Variants in COL6A6 observed in about 807,000 individuals in gnomAD.
COL6A6 encodes collagen type VI alpha 6 chain.
In COL6A6, 183 loss-of-function variants were observed where a neutral mutation model predicts 208.6. The observed-to-expected ratio is 0.88, with a 90% CI of 0.78 to 0.99. COL6A6 has a LOEUF of 0.99. Among genes scored for constraint, COL6A6 ranks in the 50% least tolerant of loss-of-function variants. The probability of loss-of-function intolerance (pLI) is 0.00; values close to 1 mark genes in which losing one functional copy is unlikely to be tolerated. For missense variants in COL6A6, 2,816 were observed against 2,815.2 expected (o/e 1.00, Z -0.01); for synonymous variants, 973 against 1,011.8 (o/e 0.96, Z 0.73).
intron 24 of COL6A6, among the ~76,000 whole-genome samples, chr3:130,623,918 A>G (rs1189718718): frequency 6.6e-6 from 1 of 152,184 alleles, no homozygotes; most frequent in African/African-American, 2.4e-5. Context: ...GGAGGTGAAG[A>G]GTACCAACTG....
At chr3:130,525,389 T>C (rs2061938632) in intron 1 of COL6A6, among the ~76,000 whole-genome samples, 1 of 152,184 alleles carries the variant, frequency 6.6e-6, no homozygotes, top group Non-Finnish European at 1.5e-5. Context: ...AAACTCAAAA[T>C]GGCGATGTTT....
intron 7 of COL6A6, among the ~76,000 whole-genome samples, chr3:130,571,771 C>T (rs1287102326): frequency 6.6e-6 from 1 of 151,364 alleles, no homozygotes; most frequent in African/African-American, 2.4e-5. Context: ...ACTTCCAGGA[C>T]TCAGGTGATC....
chr3:130,596,810 AATG>A (rs1420525892), intron 18 of COL6A6, among the ~76,000 whole-genome samples: 2 of 152,214 alleles, frequency 1.3e-5, no homozygotes, highest in African/African-American at 2.4e-5. Context: ...AAAGTATAAT[AATG>A]ATAAAATTTT....
intron 28 of COL6A6, among the ~76,000 whole-genome samples, chr3:130,637,587 A>G (rs1244935127): frequency 6.6e-6 from 1 of 152,188 alleles, no homozygotes; most frequent in East Asian, 1.9e-4. Context: ...TAGACATTGA[A>G]AATATCCAGG....
intron 1 of COL6A6, among the ~76,000 whole-genome samples, chr3:130,532,554 A>T (rs184444282): frequency 6.4e-4 from 97 of 152,254 alleles, no homozygotes; most frequent in African/African-American, 2.2e-3. Flanking sequence ...GACAGCAGTG[A>T]CTCACTAAGT....
At position 130,644,912 on chromosome 3, in the gene COL6A6, AACCTT is replaced by A. The variant is rs1169546356; in HGVS notation, c.5228-78_5228-74del. On this transcript the variant is annotated intron_variant, in intron 31 of 36. Coordinates refer to ENST00000358511, the MANE Select transcript of COL6A6 (RefSeq NM_001102608.3). The stretch of plus-strand genomic sequence containing the variant: ...CATCTACAAAAAGCAGACAGGATAG[AACCTT>A]TCTTTCCTGCACGATACAGAACTCT... 7 of 1,341,600 alleles carry A rather than the reference AACCTT, an allele frequency of 5.2e-6. No individual in the cohort carries two copies. The East Asian group carries it at 1.4e-4, about 26-fold the overall frequency. 83.1% of individuals were successfully genotyped at this position (1,341,600 alleles called of 1,614,324 possible). A position where few individuals can be genotyped will look rare whatever the true frequency, so the allele number is the denominator to read the frequency against.
chr3:130,606,409 C>T (rs1481044899), intron 20 of COL6A6, among the ~76,000 whole-genome samples: 2 of 152,072 alleles, frequency 1.3e-5, no homozygotes, highest in Non-Finnish European at 2.9e-5. Context: ...CTCAGGTAAG[C>T]ATATTATTTG....
chr3:130,615,325 T>G (rs1007711050), intron 23 of COL6A6, among the ~76,000 whole-genome samples: 9 of 152,210 alleles, frequency 5.9e-5, no homozygotes, highest in African/African-American at 2.2e-4. Flanking sequence ...TTTGTTTTTT[T>G]TCTAATTTGC....
intron 28 of COL6A6, among the ~76,000 whole-genome samples, chr3:130,637,490 T>G (rs969299787): frequency 6.6e-6 from 1 of 152,126 alleles, no homozygotes; most frequent in Non-Finnish European, 1.5e-5. Context: ...TTTGGACAAT[T>G]TATCACTGTT....
chr3:130,528,654 G>C (rs955596377), intron 1 of COL6A6, among the ~76,000 whole-genome samples: 2 of 152,132 alleles, frequency 1.3e-5, no homozygotes, highest in African/African-American at 4.8e-5. Context: ...GACTCCTGGG[G>C]CAGAATCAGG....
At chr3:130,647,557 AGTTTGATTTGG>A (rs2065497127) in intron 32 of COL6A6, among the ~76,000 whole-genome samples, 1 of 152,216 alleles carries the variant, frequency 6.6e-6, no homozygotes, top group Admixed American at 6.5e-5. Context: ...CGAGATGAAC[AGTTTGATTTGG>A]GTTTGAACAT....
At chr3:130,673,959 A>G (rs2066296841) in intron 36 of COL6A6, among the ~76,000 whole-genome samples, 1 of 152,270 alleles carries the variant, frequency 6.6e-6, no homozygotes, top group South Asian at 2.1e-4. Flanking sequence ...CCTGTCTCAA[A>G]TAAATATATA....
At chr3:130,586,015 C>T (rs1437332044) in intron 10 of COL6A6, among the ~76,000 whole-genome samples, 6 of 152,174 alleles carry the variant, frequency 3.9e-5, no homozygotes, top group Non-Finnish European at 7.3e-5. Context: ...GGTGCAGGGG[C>T]ACAATCACAG....
At chr3:130,570,408 A>G (rs1577734560) in intron 6 of COL6A6, among the ~76,000 whole-genome samples, 1 of 152,250 alleles carries the variant, frequency 6.6e-6, no homozygotes, top group African/African-American at 2.4e-5. Flanking sequence ...TAAGAATACA[A>G]ATCTCAAGAT....
At chr3:130,606,520 G>A (rs999895976) in intron 20 of COL6A6, among the ~76,000 whole-genome samples, 3 of 152,154 alleles carry the variant, frequency 2.0e-5, no homozygotes, top group Non-Finnish European at 4.4e-5. Context: ...CTGGCCTCCT[G>A]CCTTTTGGCT....
rs1334362439 is a variant in COL6A6 at position 130,606,925 on chromosome 3, T to C, written c.4654-6T>C. 8 of 1,606,678 alleles carry C rather than the reference T, an allele frequency of 5.0e-6. No individual in the cohort carries two copies. Among genetic ancestry groups the C allele is most frequent in the Non-Finnish European group, 6.8e-6 (8 of 1,177,188 alleles). On this transcript the variant is annotated splice_polypyrimidine_tract_variant and splice_region_variant and intron_variant, in intron 20 of 36. Coordinates refer to ENST00000358511, the MANE Select transcript of COL6A6 (RefSeq NM_001102608.3). ...TTAATGATATCCACCTTTTCTTCTA[T>C]TTTAGGCAGCTCATGGCAGAAGGGG... is the stretch of plus-strand genomic sequence containing the variant.
chr3:130,672,023 TATAA>T (rs1463176269), intron 36 of COL6A6, among the ~76,000 whole-genome samples: 3 of 152,236 alleles, frequency 2.0e-5, no homozygotes, highest in African/African-American at 7.2e-5. Flanking sequence ...ATGCATCTGT[TATAA>T]TTCTGCTTTC....
chr3:130,602,889 C>T (rs1204306706), intron 20 of COL6A6, among the ~76,000 whole-genome samples: 1 of 152,046 alleles, frequency 6.6e-6, no homozygotes, highest in Non-Finnish European at 1.5e-5. Context: ...TTTAAATCAG[C>T]ATGCATCATT....
chr3:130,669,212 T>C (rs879642720), intron 36 of COL6A6, among the ~76,000 whole-genome samples: 10 of 152,124 alleles, frequency 6.6e-5, no homozygotes, highest in Admixed American at 6.5e-4. Flanking sequence ...CTGGCCAACA[T>C]GGCAAAACCC....
Sources: gnomAD v4.1 joint callset for allele counts (sites outside exome capture counted in the v4.1 genomes callset) on GRCh38, gnomAD v4.1.1 for gene constraint, MANE v1.5 for transcripts, NCBI Gene and HGNC (gene_info 2026-07-23, HGNC 2026-07-21) for gene names.